The following BORA variants were observed in gnomAD, a reference collection of about 807,000 sequenced individuals.
BORA encodes the protein protein aurora borealis.
A neutral mutation model predicts 55.8 loss-of-function variants in BORA; 26 were observed. The observed-to-expected ratio is 0.47, with a 90% CI of 0.34 to 0.65. The LOEUF (loss-of-function observed/expected upper bound fraction) is 0.65, where lower values mean the gene tolerates loss of function less well. Among genes scored for constraint, BORA ranks in the 30% least tolerant of loss-of-function variants. BORA has a pLI of 0.01. For missense variants in BORA, 568 were observed against 671.5 expected, an observed-to-expected ratio of 0.85 and a Z score of 1.70; for synonymous variants, 201 against 216.9, an observed-to-expected ratio of 0.93 and a Z score of 0.64.
Position 72,746,658 on chromosome 13 carries a change from G to C in BORA, c.1029G>C (p.Gln343His). 1.9e-6 allele frequency: 3 copies of C among 1,614,136 alleles called. No individual in the cohort carries two copies. The highest frequency in any genetic ancestry group is 2.5e-6 in the Non-Finnish European group (3 of 1,179,986). ...MRLQMYSGGT[Q>H]YRTSVIQIPF... ...TTCAGATGTATAGTGGTGGTACTCA[G>C]TATCGGACCTCAGTGATTCAGATAC... The change falls in exon 10 of 12, where the codon CAG (glutamine) becomes CAC (histidine). Residue 343 changes from glutamine to histidine, a missense_variant. Transcript: ENST00000390667.
intron 10 of BORA, among the ~76,000 whole-genome samples, chr13:72,749,968 G>A (rs1216469509): frequency 3.9e-5 from 6 of 152,006 alleles, no homozygotes; most frequent in Non-Finnish European, 8.8e-5. Context: ...TATCCCCAGT[G>A]CTTATTAAAA....
Position 72,746,582 on chromosome 13 carries a change from G to A in BORA, c.953G>A (p.Ser318Asn). The stretch of plus-strand genomic sequence containing the variant: ...GGGATAACTAATCCGTGTATCAGAA[G>A]TCCTTATATAGATGGCTGCTCGCCA... ...SNGITNPCIR[S>N]PYIDGCSPIK... is the part of the protein sequence containing the mutation. Residue 318 changes from serine (S) to asparagine (N), a missense_variant, in exon 10 of 12, where the codon AGT (serine) becomes AAT (asparagine). Transcript: ENST00000390667. 1 of 1,614,046 alleles carries A rather than the reference G, an allele frequency of 6.2e-7. No homozygotes were observed. Among genetic ancestry groups the A allele is most frequent in the Non-Finnish European group, 8.5e-7 (1 of 1,179,968 alleles).
intron 5 of BORA, among the ~76,000 whole-genome samples, chr13:72,741,694 A>G (rs2033037027): frequency 6.6e-6 from 1 of 152,014 alleles, no homozygotes; most frequent in Non-Finnish European, 1.5e-5. Flanking sequence ...CAACCAAAAC[A>G]CTTGGAATAG....
intron 3 of BORA, among the ~76,000 whole-genome samples, chr13:72,731,739 T>A (rs1460457562): frequency 1.3e-5 from 2 of 152,252 alleles, no homozygotes; most frequent in African/African-American, 4.8e-5. Flanking sequence ...TTTGTCTTTT[T>A]GATGATTTGG....
intron 11 of BORA, 29 bp downstream of exon 11, chr13:72,753,850 T>C: frequency 6.4e-7 from 1 of 1,574,178 alleles, no homozygotes; most frequent in South Asian, 1.1e-5. Flanking sequence ...GAAAGCTTAA[T>C]ATTGTTTAGA....
chr13:72,753,634 A>AAAAT, intron 10 of BORA, 56 bp from the exon 11 acceptor site: 1 of 1,535,642 alleles, frequency 6.5e-7, no homozygotes, highest in Non-Finnish European at 8.9e-7. Flanking sequence ...TTACTTATTT[A>AAAAT]AATATTTGAC....
intron 5 of BORA, among the ~76,000 whole-genome samples, chr13:72,741,732 T>C (rs1157072616): frequency 6.6e-6 from 1 of 152,250 alleles, no homozygotes; most frequent in South Asian, 2.1e-4. Flanking sequence ...ATAATGTTGC[T>C]GTAGGTGTCT....
chr13:72,728,021 T>C lies in BORA; in HGVS notation c.-16+14T>C. 2 of 1,403,018 alleles carry C rather than the reference T, an allele frequency of 1.4e-6. No individual in the cohort carries two copies. The highest frequency in any genetic ancestry group is 1.8e-4 in the Middle Eastern group (1 of 5,698). The allele number at this position is 1,403,018 out of a possible 1,614,324, so 86.9% of individuals were successfully genotyped here. A position where few individuals can be genotyped will look rare whatever the true frequency, so the allele number is the denominator to read the frequency against. On this transcript the variant is annotated intron_variant, in intron 1 of 11. Transcript: ENST00000390667. ...TTGTACGCACCGGTAGGTACGCTCT[T>C]TGTGGTCCCTGGCCTTTCCTCCTGT...
chr13:72,743,574 G>A lies in BORA; in HGVS notation c.426G>A (p.Lys142=). ...ATAGTGACTCTCCAGTTGGAAAAAA[G>A]CTGACCATTCATTCTGAGAAAAGCG... ...NINSDSPVGK[K]LTIHSEKSDA... The change falls in exon 6 of 12, where the codon AAG becomes AAA. Residue 142 remains lysine, a synonymous_variant. Transcript: ENST00000390667. 2 of 1,610,430 alleles carry A rather than the reference G, an allele frequency of 1.2e-6. No individual in the cohort carries two copies. The highest frequency in any genetic ancestry group is 4.5e-5 in the East Asian group (2 of 44,690).
At chr13:72,734,416 A>G (rs2032878109) in intron 3 of BORA, among the ~76,000 whole-genome samples, 1 of 152,116 alleles carries the variant, frequency 6.6e-6, no homozygotes, top group African/African-American at 2.4e-5. Context: ...CAGTAATTGC[A>G]GATTGTATCA....
chr13:72,729,852 T>G (rs1283234529), intron 2 of BORA, among the ~76,000 whole-genome samples: 1 of 152,204 alleles, frequency 6.6e-6, no homozygotes, highest in Non-Finnish European at 1.5e-5. Context: ...CAGAACTAGA[T>G]GAGTAATATC....
intron 10 of BORA, 176 bp from the exon 11 acceptor site, chr13:72,753,514 C>T: frequency 1.7e-6 from 1 of 588,136 alleles, no homozygotes; most frequent in Admixed American, 3.4e-5. Flanking sequence ...ATAATCAGTA[C>T]TATGCAGGAC....
chr13:72,745,094 C>G lies in BORA; in HGVS notation c.625C>G (p.Pro209Ala). The G allele has an allele frequency of 6.2e-7, 1 of 1,614,118 alleles. No homozygotes were observed. The highest frequency in any genetic ancestry group is 8.5e-7 in the Non-Finnish European group (1 of 1,179,972). ...GAACGGAAGCATCTCCGACTCCTTA[C>G]CTTCGGCTTCTCCCGGAAGTCCTCA... ...DGNGSISDSL[P>A]SASPGSPHSG... Residue 209 changes from proline to alanine, a missense_variant, in exon 8 of 12, where the codon CCT becomes GCT. Pro to Ala is a conservative substitution (Grantham distance 27, BLOSUM62 -1). Coordinates refer to ENST00000390667, the MANE Select transcript of BORA (RefSeq NM_024808.5).
Position 72,756,029 on chromosome 13 carries a change from T to TAA in BORA, c.*814_*815insAA, listed in dbSNP as rs2033457568. On this transcript the variant is annotated 3_prime_UTR_variant, in exon 12 of 12. Transcript: ENST00000390667. ...GCCTGTGAAGTAACACTGGGGCAGATATGTATGTTATATACAACTATTTTT... is the reference window on the plus strand; with the variant it reads ...GCCTGTGAAGTAACACTGGGGCAGATAAATGTATGTTATATACAACTATTTTT... 3 of 398,468 alleles carry TAA rather than the reference T, an allele frequency of 7.5e-6. No individual in the cohort carries two copies. Among genetic ancestry groups the TAA allele is most frequent in the Non-Finnish European group, 1.3e-5 (3 of 225,958 alleles). 24.7% of individuals were successfully genotyped at this position (398,468 alleles called of 1,614,324 possible). A position where few individuals can be genotyped will look rare whatever the true frequency, so the allele number is the denominator to read the frequency against.
At chr13:72,752,085 G>A (rs1193353225) in intron 10 of BORA, 2 of 152,126 alleles carry the variant, frequency 1.3e-5, no homozygotes, top group Non-Finnish European at 2.9e-5. Context: ...TAGTAACAAA[G>A]TGCATGTTAA....
At chr13:72,753,055 A>G (rs1437822484) in intron 10 of BORA, 1 of 152,196 alleles carries the variant, frequency 6.6e-6, no homozygotes, top group Admixed American at 6.5e-5. Flanking sequence ...CTAGTAAAGT[A>G]TTAGGGTTGT....
In BORA at chr13:72,727,968, C is replaced by G; in HGVS notation, c.-55C>G. The G allele has an allele frequency of 6.4e-7, 1 of 1,550,586 alleles. No homozygotes were observed. Among genetic ancestry groups the G allele is most frequent in the Non-Finnish European group, 8.7e-7 (1 of 1,146,994 alleles). ...GGAAGCTGGCCTGGCCCCCGGAGCT[C>G]CCTGGAGTCGGTACTGGGGGCTTCG... On this transcript the variant is annotated 5_prime_UTR_variant, in exon 1 of 12. Transcript: ENST00000390667.
chr13:72,733,536 T>C (rs1593806253), intron 3 of BORA, among the ~76,000 whole-genome samples: 3 of 152,334 alleles, frequency 2.0e-5, no homozygotes, highest in Admixed American at 2.0e-4. Flanking sequence ...GAGTATTTCA[T>C]GTTCTTGAAG....
chr13:72,733,945 T>C (rs1405557018), intron 3 of BORA, among the ~76,000 whole-genome samples: 2 of 152,146 alleles, frequency 1.3e-5, no homozygotes, highest in African/African-American at 4.8e-5. Context: ...CTTAGCAAAC[T>C]AATACAGGAA....
Sources: gnomAD v4.1 joint callset for allele counts (sites outside exome capture counted in the v4.1 genomes callset) on GRCh38, gnomAD v4.1.1 for gene constraint, MANE v1.5 for transcripts, NCBI Gene and HGNC (gene_info 2026-07-23, HGNC 2026-07-21) for gene names.